Variants in ZDHHC15 observed in about 807,000 individuals in gnomAD.
ZDHHC15 encodes palmitoyltransferase ZDHHC15.
A neutral mutation model predicts 31.7 loss-of-function variants in ZDHHC15; 19 were observed. The ratio of observed to expected loss-of-function variants is 0.60; its 90% CI spans 0.42 to 0.88. The LOEUF (loss-of-function observed/expected upper bound fraction) is 0.88. ZDHHC15 is among the 40% of genes least tolerant of loss of function. The pLI is 0.00. For synonymous variants in ZDHHC15, 103 were observed against 90.0 expected, an observed-to-expected ratio of 1.14 and a Z score of -0.82; for missense variants, 209 against 251.2, an observed-to-expected ratio of 0.83 and a Z score of 1.14.
Position 75,439,298 on chromosome X carries a change from G to A in ZDHHC15, c.380-7778C>T, listed in dbSNP as rs995596083. Among the ~76,000 whole-genome samples, 17 of 111,581 alleles carry A rather than the reference G, an allele frequency of 1.5e-4. No homozygotes were observed. The Admixed American group carries it at 1.5e-3, about 10-fold the overall frequency. The stretch of plus-strand genomic sequence containing the variant: ...TCCTCAGGAACACCAATTACTCTTA[G>A]GTTTCAGAATAACATAATCATTTAA... On this transcript the variant is annotated intron_variant, in intron 4 of 11. Coordinates refer to ENST00000373367, the MANE Select transcript of ZDHHC15 (RefSeq NM_144969.3).
chrX:75,391,200 A>G (rs1238297940), intron 10 of ZDHHC15, among the ~76,000 whole-genome samples: 1 of 111,960 alleles, frequency 8.9e-6, no homozygotes, highest in Non-Finnish European at 1.9e-5. Flanking sequence ...AGGAATAAAG[A>G]AAAAAGCACA....
chrX:75,426,294 G>A (rs1024166929), intron 7 of ZDHHC15, among the ~76,000 whole-genome samples: 16 of 111,282 alleles, frequency 1.4e-4, no homozygotes, highest in Admixed American at 4.8e-4. Context: ...AAAATGGCTG[G>A]ACAAGAGGGA....
At chrX:75,490,929 C>T (rs1025987631) in intron 2 of ZDHHC15, among the ~76,000 whole-genome samples, 2 of 111,711 alleles carry the variant, frequency 1.8e-5, no homozygotes, top group Admixed American at 9.5e-5. Context: ...CAATGAGATA[C>T]CATCTCACAC....
At position 75,442,753 on chromosome X, in the gene ZDHHC15, G is replaced by A. The variant is rs749138116; in HGVS notation, c.379+8049C>T. Among the ~76,000 whole-genome samples, 14 of 110,570 alleles carry A rather than the reference G, an allele frequency of 1.3e-4. No homozygotes were observed. The South Asian group carries it at 3.1e-3, about 25-fold the overall frequency. ...TGTAATCCCAGCACTTTGGGAGGCCGAGGCGGGTGGATCATGAGGTCAGGA... is the reference window on the plus strand; with the variant it reads ...TGTAATCCCAGCACTTTGGGAGGCCAAGGCGGGTGGATCATGAGGTCAGGA... On this transcript the variant is annotated intron_variant, in intron 4 of 11. Transcript: ENST00000373367.
At chrX:75,488,957 C>T (rs957840033) in intron 2 of ZDHHC15, among the ~76,000 whole-genome samples, 7 of 111,998 alleles carry the variant, frequency 6.3e-5, no homozygotes, top group Admixed American at 9.4e-5. Flanking sequence ...TTATATCCCA[C>T]GCCTGGTTCG....
chrX:75,433,656 AGTGTGTGTGTGTGTGTGTGTGT>A (rs138064587), intron 4 of ZDHHC15, among the ~76,000 whole-genome samples: 1 of 53,542 alleles, frequency 1.9e-5, no homozygotes, highest in African/African-American at 5.4e-5. Context: ...ATGGCTGAGT[AGTGTGTGTGTGTGTGTGTGTGT>A]GTGTGTGTGT....
chrX:75,501,738 T>A (rs1322961457), intron 2 of ZDHHC15: 1 of 102,674 alleles, frequency 9.7e-6, no homozygotes, highest in South Asian at 5.0e-4. Context: ...GCCACAGGTA[T>A]GTTTTCTTTT....
At chrX:75,437,164 A>C (rs1464239280) in intron 4 of ZDHHC15, among the ~76,000 whole-genome samples, 1 of 111,010 alleles carries the variant, frequency 9.0e-6, no homozygotes. Flanking sequence ...TACAGGCCTG[A>C]GCCACCGCGC....
At chrX:75,497,655 A>G (rs2085022799) in intron 2 of ZDHHC15, among the ~76,000 whole-genome samples, 1 of 111,991 alleles carries the variant, frequency 8.9e-6, no homozygotes, top group South Asian at 3.7e-4. Flanking sequence ...CCTACCAAGG[A>G]TGCAGGGCTA....
chrX:75,374,140 C>A (rs1156583836), intron 11 of ZDHHC15, among the ~76,000 whole-genome samples: 6 of 108,723 alleles, frequency 5.5e-5, no homozygotes, highest in African/African-American at 1.3e-4. Context: ...AACAGAAAAC[C>A]AAACACCACA....
At chrX:75,504,424 G>A (rs1184503000) in intron 2 of ZDHHC15, among the ~76,000 whole-genome samples, 2 of 111,513 alleles carry the variant, frequency 1.8e-5, no homozygotes, top group Non-Finnish European at 3.8e-5. Context: ...ATTTGAAGAT[G>A]AGCAACTGTG....
At chrX:75,421,391 T>TATATATAATATATATATAATATATATA (rs1569320588) in intron 9 of ZDHHC15, among the ~76,000 whole-genome samples, 1 of 1,888 alleles carries the variant, frequency 5.3e-4, no homozygotes, top group Non-Finnish European at 2.9e-3. Context: ...TGTGTGTATA[T>TATATATAATATATATATAATATATATA]ATATATATTA....
At chrX:75,438,075 T>A (rs1029673236) in intron 4 of ZDHHC15, among the ~76,000 whole-genome samples, 59 of 111,889 alleles carry the variant, frequency 5.3e-4, no homozygotes, top group African/African-American at 1.9e-3. Flanking sequence ...ACAACCACAA[T>A]GAGATACCAT....
At chrX:75,446,343 T>C (rs1051050768) in intron 4 of ZDHHC15, among the ~76,000 whole-genome samples, 3 of 110,967 alleles carry the variant, frequency 2.7e-5, no homozygotes, top group Non-Finnish European at 5.7e-5. Context: ...TGGTTTAATG[T>C]TGAGGGGAGG....
chrX:75,410,194 G>T (rs1217873736), intron 10 of ZDHHC15, among the ~76,000 whole-genome samples: 1 of 111,244 alleles, frequency 9.0e-6, no homozygotes, highest in Non-Finnish European at 1.9e-5. Context: ...GGCAACCAAA[G>T]CAAAAATAGA....
intron 10 of ZDHHC15, among the ~76,000 whole-genome samples, chrX:75,390,247 C>T (rs1047604491): frequency 1.8e-5 from 2 of 112,413 alleles, no homozygotes; most frequent in Admixed American, 9.4e-5. Context: ...AGTGCTGACT[C>T]CCAGATGGCA....
chrX:75,476,755 T>C (rs1194425403), intron 3 of ZDHHC15, among the ~76,000 whole-genome samples: 1 of 102,431 alleles, frequency 9.8e-6, no homozygotes, highest in Non-Finnish European at 2.0e-5. Flanking sequence ...TTCCCTTCTC[T>C]CCTCTTTTCC....
chrX:75,374,029 C>T (rs750138261), intron 11 of ZDHHC15, among the ~76,000 whole-genome samples: 3 of 102,059 alleles, frequency 2.9e-5, no homozygotes, highest in Non-Finnish European at 5.9e-5. Context: ...CATCATTCTA[C>T]TCTCTAACTC....
intron 3 of ZDHHC15, among the ~76,000 whole-genome samples, chrX:75,467,397 A>G (rs2084424053): frequency 1.8e-5 from 2 of 111,640 alleles, no homozygotes; most frequent in Non-Finnish European, 3.8e-5. Flanking sequence ...TTGGAATAAG[A>G]TGTCAGGCCT....
Sources: allele counts gnomAD v4.1 joint callset (sites outside exome capture counted in the v4.1 genomes callset), GRCh38; gene constraint gnomAD v4.1.1; transcripts MANE v1.5; gene names NCBI Gene and HGNC (gene_info 2026-07-23, HGNC 2026-07-21).